The following KCNQ5 variants were observed in gnomAD, a reference collection of about 807,000 sequenced individuals.
KCNQ5 encodes the protein potassium voltage-gated channel subfamily KQT member 5.
Under a neutral mutation model 98.2 loss-of-function variants are expected in KCNQ5, and 30 were observed. The observed-to-expected ratio is 0.31, with a 90% CI of 0.23 to 0.41. KCNQ5 has a LOEUF of 0.41. Ranked by LOEUF, KCNQ5 falls within the 10% of genes least tolerant of loss-of-function variation. The pLI, the probability that KCNQ5 is intolerant of heterozygous loss-of-function variation, is 1.00. For synonymous variants in KCNQ5, 458 were observed against 449.4 expected (o/e 1.02, Z -0.24); for missense variants, 835 against 1,182.5 (o/e 0.71, Z 4.31).
intron 1 of KCNQ5, among the ~76,000 whole-genome samples, chr6:72,879,647 C>CA (rs1581946821): frequency 6.6e-6 from 1 of 152,172 alleles, no homozygotes; most frequent in East Asian, 1.9e-4. Flanking sequence ...TCTTATGATA[C>CA]AAAAAATACT....
At chr6:72,835,067 A>C (rs894255735) in intron 1 of KCNQ5, among the ~76,000 whole-genome samples, 1 of 152,004 alleles carries the variant, frequency 6.6e-6, no homozygotes, top group African/African-American at 2.4e-5. Flanking sequence ...TCAAGTGGTA[A>C]CTTTTTTTTC....
chr6:72,858,252 CT>C (rs1270039652), intron 1 of KCNQ5, among the ~76,000 whole-genome samples: 1 of 152,060 alleles, frequency 6.6e-6, no homozygotes, highest in Non-Finnish European at 1.5e-5. Flanking sequence ...CTGAGCTATG[CT>C]TTAAAATTGT....
At chr6:73,077,070 A>C (rs1034354060) in intron 3 of KCNQ5, among the ~76,000 whole-genome samples, 1 of 152,214 alleles carries the variant, frequency 6.6e-6, no homozygotes, top group Non-Finnish European at 1.5e-5. Context: ...ACGTTGTTCA[A>C]AATTGCATAG....
intron 1 of KCNQ5, among the ~76,000 whole-genome samples, chr6:72,658,370 T>C (rs925964393): frequency 6.6e-6 from 1 of 150,946 alleles, no homozygotes; most frequent in African/African-American, 2.4e-5. Context: ...AACCTCTGCC[T>C]CCCAGATTCA....
chr6:73,059,007 A>G (rs562663435), intron 3 of KCNQ5, among the ~76,000 whole-genome samples: 20 of 152,288 alleles, frequency 1.3e-4, no homozygotes, highest in African/African-American at 4.8e-4. Flanking sequence ...CCGTTTGGCA[A>G]TTTCTCAAAG....
chr6:72,856,899 G>A (rs986502132), intron 1 of KCNQ5, among the ~76,000 whole-genome samples: 2 of 152,160 alleles, frequency 1.3e-5, no homozygotes, highest in East Asian at 1.9e-4. Context: ...CCCCTCCCCC[G>A]TGGGGCTGGA....
intron 10 of KCNQ5, among the ~76,000 whole-genome samples, chr6:73,166,196 GC>G (rs2150499706): frequency 6.6e-6 from 1 of 152,136 alleles, no homozygotes; most frequent in East Asian, 2.0e-4. Context: ...ACTTTGGGAG[GC>G]CAAGGCAGGT....
intron 11 of KCNQ5, among the ~76,000 whole-genome samples, chr6:73,179,701 TTAA>T (rs3837016): frequency 0.36 from 54,769 of 151,714 alleles, 10,966 homozygotes; most frequent in East Asian, 0.56. Context: ...CTTCAGAAAC[TTAA>T]TAATATCCCC....
chr6:73,016,671 C>T (rs563974708), intron 2 of KCNQ5, among the ~76,000 whole-genome samples: 82 of 152,092 alleles, frequency 5.4e-4, no homozygotes, highest in Admixed American at 2.0e-3. Context: ...GAGCCCTAAA[C>T]CAAACAGAGG....
intron 3 of KCNQ5, among the ~76,000 whole-genome samples, chr6:73,050,522 C>A (rs535966568): frequency 6.6e-6 from 1 of 152,118 alleles, no homozygotes; most frequent in Admixed American, 6.5e-5. Context: ...ACGTATACTG[C>A]AATTATCAAA....
chr6:73,052,707 T>G (rs1016997799), intron 3 of KCNQ5, among the ~76,000 whole-genome samples: 1 of 152,228 alleles, frequency 6.6e-6, no homozygotes, highest in Admixed American at 6.5e-5. Flanking sequence ...TTCATTACCA[T>G]CAGACCTGCC....
chr6:72,941,517 TTCCTTCCTTCCTCCTTCCC>T (rs1424718050), intron 1 of KCNQ5, among the ~76,000 whole-genome samples: 1 of 77,576 alleles, frequency 1.3e-5, no homozygotes, highest in Non-Finnish European at 3.2e-5. Flanking sequence ...TCTCCCTCCC[TTCCTTCCTTCCTCCTTCCC>T]TCCTTCCTTT....
At chr6:73,032,444 G>A (rs1055831463) in intron 2 of KCNQ5, among the ~76,000 whole-genome samples, 22 of 152,074 alleles carry the variant, frequency 1.4e-4, no homozygotes, top group African/African-American at 4.1e-4. Context: ...CTGAGATTAT[G>A]GGCATGAACC....
intron 1 of KCNQ5, among the ~76,000 whole-genome samples, chr6:72,629,036 T>C (rs1346996043): frequency 6.6e-6 from 1 of 152,176 alleles, no homozygotes; most frequent in East Asian, 1.9e-4. Flanking sequence ...TCTGTCTTAT[T>C]ATTATATCAC....
At chr6:72,672,433 G>A (rs956271763) in intron 1 of KCNQ5, among the ~76,000 whole-genome samples, 5 of 152,116 alleles carry the variant, frequency 3.3e-5, no homozygotes, top group East Asian at 3.8e-4. Context: ...TAAACATAGA[G>A]TAAGCATTTT....
Position 72,776,665 on chromosome 6 carries a change from A to G in KCNQ5, c.398+154078A>G, listed in dbSNP as rs151271113. Among the ~76,000 whole-genome samples, 294 of 152,310 alleles carry G rather than the reference A, an allele frequency of 1.9e-3. 3 individuals are homozygous for G. Among genetic ancestry groups the G allele is most frequent in the Admixed American group, 0.013 (203 of 15,278 alleles). The stretch of plus-strand genomic sequence containing the variant: ...GAATTTGAGACTTGCCCAAGGTCAT[A>G]ATAAATTTGTGGGAGAGCTGGAATT... On this transcript the variant is annotated intron_variant, in intron 1 of 13. Transcript: ENST00000370398.
At chr6:72,639,886 T>C (rs10943046) in intron 1 of KCNQ5, among the ~76,000 whole-genome samples, 71,557 of 151,848 alleles carry the variant, frequency 0.47, 17,025 homozygotes, top group Middle Eastern at 0.58. Context: ...CCCTGAGAAG[T>C]GGAAAGATTA....
intron 5 of KCNQ5, among the ~76,000 whole-genome samples, chr6:73,102,724 CAA>C (rs1562180066): frequency 6.6e-6 from 1 of 152,042 alleles, no homozygotes; most frequent in Non-Finnish European, 1.5e-5. Flanking sequence ...CAGGCACTAA[CAA>C]ATGCTGTCAA....
At position 73,120,501 on chromosome 6, in the gene KCNQ5, G is replaced by A. The variant is rs1190788387; in HGVS notation, c.1144G>A (p.Ala382Thr). 4.3e-6 allele frequency: 7 copies of A among 1,610,958 alleles called. No individual in the cohort carries two copies. Among genetic ancestry groups the A allele is most frequent in the Middle Eastern group, 1.7e-4 (1 of 6,048 alleles). The change falls in exon 8 of 14, where the codon GCA (alanine) becomes ACA (threonine). Residue 382 changes from alanine to threonine, a missense_variant. By Grantham distance (58) the Ala-to-Thr change is moderately conservative. Transcript: ENST00000370398. ...NLIQCVWRSY[A>T]ADEKSVSIAT... is the part of the protein sequence containing the mutation. The stretch of plus-strand genomic sequence containing the variant: ...CATGCAGTGTGTTTGGCGTAGTTAC[G>A]CAGCTGATGAGAAATCTGTTTCCAT...
Sources: allele counts gnomAD v4.1 joint callset (sites outside exome capture counted in the v4.1 genomes callset), GRCh38; gene constraint gnomAD v4.1.1; transcripts MANE v1.5; gene names NCBI Gene and HGNC (gene_info 2026-07-23, HGNC 2026-07-21).